Variants in MINDY4 observed in about 807,000 individuals in gnomAD.
MINDY4 encodes the protein probable ubiquitin carboxyl-terminal hydrolase MINDY-4.
MINDY4 carries 68 observed loss-of-function variants against 87.0 expected under a neutral mutation model. The observed-to-expected ratio is 0.78, with a 90% CI of 0.64 to 0.96. The LOEUF is 0.96. MINDY4 is among the 40% of genes least tolerant of loss of function. MINDY4 has a pLI of 0.00. For synonymous variants in MINDY4, 379 were observed against 363.2 expected (o/e 1.04, Z -0.50); for missense variants, 919 against 928.2 (o/e 0.99, Z 0.13).
chr7:30,885,935 G>A (rs6942480), intron 17 of MINDY4, among the ~76,000 whole-genome samples: 15,455 of 152,162 alleles, frequency 0.1, 1,205 homozygotes, highest in African/African-American at 0.21. Flanking sequence ...CTTGGCAGTT[G>A]TTCCTAGAAA....
At chr7:30,826,038 TC>T (rs1788489555) in intron 5 of MINDY4, among the ~76,000 whole-genome samples, 1 of 152,200 alleles carries the variant, frequency 6.6e-6, no homozygotes, top group South Asian at 2.1e-4. Context: ...AGTAAATCAC[TC>T]CAATCTCTGC....
intron 5 of MINDY4, 46 bp from the exon 6 acceptor site, chr7:30,828,633 T>G: frequency 6.3e-7 from 1 of 1,591,074 alleles, no homozygotes; most frequent in Non-Finnish European, 8.6e-7. Flanking sequence ...CCGTTTACAT[T>G]TCTCTGTCAG....
At chr7:30,883,977 A>G (rs1394100940) in intron 17 of MINDY4, among the ~76,000 whole-genome samples, 1 of 152,010 alleles carries the variant, frequency 6.6e-6, no homozygotes, top group African/African-American at 2.4e-5. Flanking sequence ...AGTGTCTGGG[A>G]CGTTACTAAG....
chr7:30,809,926 C>G (rs1220955319), intron 5 of MINDY4, among the ~76,000 whole-genome samples: 5 of 151,732 alleles, frequency 3.3e-5, no homozygotes, highest in African/African-American at 1.2e-4. Context: ...GTCTGTAATC[C>G]CAGCCCTTTG....
intron 5 of MINDY4, among the ~76,000 whole-genome samples, chr7:30,803,568 G>C (rs1787723130): frequency 6.6e-6 from 1 of 152,144 alleles, no homozygotes; most frequent in Non-Finnish European, 1.5e-5. Flanking sequence ...AGCCTTGAAG[G>C]CTGAGTGGGT....
intron 14 of MINDY4, among the ~76,000 whole-genome samples, chr7:30,872,869 G>T (rs879599761): frequency 1.3e-5 from 2 of 152,022 alleles, no homozygotes; most frequent in Non-Finnish European, 2.9e-5. Flanking sequence ...TACCTAGTGA[G>T]CATCAAAACT....
intron 13 of MINDY4, 63 bp from the exon 14 acceptor site, chr7:30,872,180 C>A: frequency 6.6e-7 from 1 of 1,514,820 alleles, no homozygotes; most frequent in East Asian, 2.3e-5. Flanking sequence ...GCCTGGTCAC[C>A]TAGCGAGGTT....
At chr7:30,824,476 T>TCAGTATCTTTA (rs1214424345) in intron 5 of MINDY4, among the ~76,000 whole-genome samples, 19 of 152,200 alleles carry the variant, frequency 1.2e-4, no homozygotes, top group African/African-American at 4.6e-4. Flanking sequence ...CAGTAAGTGA[T>TCAGTATCTTTA]CAGTATCTTT....
rs1047471720 is a variant in MINDY4 at position 30,807,631 on chromosome 7, C to G, written c.1073+16057C>G. Among the ~76,000 whole-genome samples the G allele has an allele frequency of 1.5e-4, 23 of 152,264 alleles. No homozygotes were observed. The South Asian group carries it at 1.7e-3, about 11-fold the overall frequency. Reference sequence around the variant, plus strand: ...AGAAATGAAATCCACAAGCAGACAGCCTGGTGCCACACCCTGGGCCTGGTA... The same window carrying G: ...AGAAATGAAATCCACAAGCAGACAGGCTGGTGCCACACCCTGGGCCTGGTA... On this transcript the variant is annotated intron_variant, in intron 5 of 17. Coordinates refer to ENST00000265299, the MANE Select transcript of MINDY4 (RefSeq NM_032222.3).
intron 5 of MINDY4, among the ~76,000 whole-genome samples, chr7:30,804,589 G>C (rs1158275933): frequency 6.6e-6 from 1 of 152,174 alleles, no homozygotes; most frequent in Non-Finnish European, 1.5e-5. Flanking sequence ...CACAGAGATA[G>C]AGTCTGGATA....
At chr7:30,826,904 A>T (rs1788531662) in intron 5 of MINDY4, among the ~76,000 whole-genome samples, 1 of 152,300 alleles carries the variant, frequency 6.6e-6, no homozygotes, top group East Asian at 1.9e-4. Context: ...TGTTATTTTA[A>T]TACATGTGAT....
intron 17 of MINDY4, among the ~76,000 whole-genome samples, chr7:30,890,101 AC>A: frequency 6.6e-6 from 1 of 152,352 alleles, no homozygotes; most frequent in Admixed American, 6.5e-5. Flanking sequence ...ACCAAATGAC[AC>A]GGAGGAGGAC....
At chr7:30,887,367 C>T (rs1389734595) in intron 17 of MINDY4, among the ~76,000 whole-genome samples, 1 of 152,252 alleles carries the variant, frequency 6.6e-6, no homozygotes, top group African/African-American at 2.4e-5. Flanking sequence ...TGCTCCCAGC[C>T]TTAGTTTCCC....
intron 12 of MINDY4, among the ~76,000 whole-genome samples, chr7:30,855,391 G>C (rs1789539029): frequency 6.6e-6 from 1 of 152,234 alleles, no homozygotes; most frequent in African/African-American, 2.4e-5. Context: ...AGTCACAGGA[G>C]AGGCGAGCAG....
chr7:30,789,780 A>G (rs192291407), intron 4 of MINDY4, among the ~76,000 whole-genome samples: 3 of 152,342 alleles, frequency 2.0e-5, no homozygotes, highest in Admixed American at 6.5e-5. Flanking sequence ...ATTTTAAACC[A>G]AGGAAAAGCC....
chr7:30,809,973 C>G (rs111326588), intron 5 of MINDY4, among the ~76,000 whole-genome samples: 72 of 151,758 alleles, frequency 4.7e-4, no homozygotes, highest in African/African-American at 1.7e-3. Flanking sequence ...GTCAGAAGTT[C>G]GAGACCAGCC....
chr7:30,884,644 TC>T (rs1790575116), intron 17 of MINDY4, among the ~76,000 whole-genome samples: 1 of 152,214 alleles, frequency 6.6e-6, no homozygotes, highest in Admixed American at 6.5e-5. Flanking sequence ...TCTGTGTCTC[TC>T]TACCCCTCCC....
At chr7:30,813,023 G>A (rs1788049241) in intron 5 of MINDY4, among the ~76,000 whole-genome samples, 2 of 152,206 alleles carry the variant, frequency 1.3e-5, no homozygotes, top group Admixed American at 6.5e-5. Context: ...ATCCAGAAGG[G>A]GTTGCTGTCT....
chr7:30,867,790 C>T (rs1003436471), intron 13 of MINDY4, among the ~76,000 whole-genome samples: 1 of 152,174 alleles, frequency 6.6e-6, no homozygotes, highest in Non-Finnish European at 1.5e-5. Flanking sequence ...GCCTGGTGCC[C>T]TAGTGGTCAG....
Sources: gnomAD v4.1 joint callset for allele counts (sites outside exome capture counted in the v4.1 genomes callset) on GRCh38, gnomAD v4.1.1 for gene constraint, MANE v1.5 for transcripts, NCBI Gene and HGNC (gene_info 2026-07-23, HGNC 2026-07-21) for gene names.